The following POLR3G variants were observed in gnomAD, a reference collection of about 807,000 sequenced individuals.
POLR3G encodes the protein RNA polymerase III subunit G.
A neutral mutation model predicts 30.1 loss-of-function variants in POLR3G; 28 were observed. That is an observed-to-expected ratio of 0.93 (90% CI 0.69 to 1.27). POLR3G has a LOEUF of 1.27. Ranked by LOEUF, POLR3G falls within the 50% of genes most tolerant of loss-of-function variation. The pLI is 0.00. For missense variants in POLR3G, 254 were observed against 264.6 expected, an observed-to-expected ratio of 0.96 and a Z score of 0.28; for synonymous variants, 79 against 82.5, an observed-to-expected ratio of 0.96 and a Z score of 0.23.
intron 3 of POLR3G, among the ~76,000 whole-genome samples, chr5:90,494,981 A>G (rs1414530230): frequency 6.6e-6 from 1 of 152,176 alleles, no homozygotes; most frequent in Non-Finnish European, 1.5e-5. Flanking sequence ...GGAATCTCTC[A>G]TTTGTGCTGA....
At chr5:90,484,743 A>G (rs991902706) in intron 1 of POLR3G, among the ~76,000 whole-genome samples, 1 of 152,172 alleles carries the variant, frequency 6.6e-6, no homozygotes, top group Non-Finnish European at 1.5e-5. Flanking sequence ...CTTGGGTTCA[A>G]GGGGTTAAAT....
At chr5:90,502,498 A>C (rs1266592831) in intron 6 of POLR3G, 2 of 545,808 alleles carry the variant, frequency 3.7e-6, no homozygotes, top group East Asian at 2.9e-4. Flanking sequence ...TCAGAAGGTT[A>C]AAGCACTGAA....
At chr5:90,474,000 A>C, upstream of POLR3G, 2 of 1,597,768 alleles carry the variant, frequency 1.3e-6, no homozygotes, top group Non-Finnish European at 8.5e-7. Flanking sequence ...GTGCACTGCC[A>C]CGCGGTCGAA....
intron 2 of POLR3G, among the ~76,000 whole-genome samples, chr5:90,487,401 T>C (rs1055333296): frequency 3.7e-5 from 5 of 134,400 alleles, no homozygotes; most frequent in African/African-American, 1.4e-4. Flanking sequence ...TTTTTTTTTT[T>C]TTTTTTGTGA....
rs546534767 is a variant in POLR3G, at chr5:90,493,871, C to G, written c.248-1806C>G. 6.6e-5 allele frequency among the ~76,000 whole-genome samples: 10 copies of G among 151,508 alleles called. No individual in the cohort carries two copies. In the South Asian group the frequency reaches 2.1e-3, roughly 32 times the overall value. On this transcript the variant is annotated intron_variant, in intron 3 of 7. Coordinates refer to ENST00000651687, the MANE Select transcript of POLR3G (RefSeq NM_006467.3). ...TACAGGCACGTGCCACCACACATGG[C>G]TAATTTTTTTGTGTTTTTAGTATAG...
intron 6 of POLR3G, among the ~76,000 whole-genome samples, chr5:90,504,184 T>C (rs1436892686): frequency 1.3e-5 from 2 of 152,186 alleles, no homozygotes; most frequent in Non-Finnish European, 2.9e-5. Context: ...TGAGGATTTT[T>C]TTTTTTAAAG....
chr5:90,486,548 G>A (rs1390371860), intron 2 of POLR3G, among the ~76,000 whole-genome samples: 2 of 152,190 alleles, frequency 1.3e-5, no homozygotes, highest in African/African-American at 2.4e-5. Context: ...CAGCTACGCA[G>A]GTCTCCTTGG....
intron 5 of POLR3G, among the ~76,000 whole-genome samples, chr5:90,499,171 C>G (rs967458702): frequency 6.6e-6 from 1 of 151,924 alleles, no homozygotes; most frequent in Admixed American, 6.6e-5. Flanking sequence ...ATCATTGAGA[C>G]CAAGAGAAAG....
chr5:90,493,112 G>T (rs1007675719), intron 3 of POLR3G, among the ~76,000 whole-genome samples: 1 of 152,212 alleles, frequency 6.6e-6, no homozygotes, highest in African/African-American at 2.4e-5. Context: ...TTTGTATGTG[G>T]CAGCCGATGC....
At chr5:90,511,944 A>T in intron 7 of POLR3G, 109 bp from the exon 8 acceptor site, 1 of 726,976 alleles carries the variant, frequency 1.4e-6, no homozygotes, top group Non-Finnish European at 2.4e-6. Flanking sequence ...CACAAGTGAA[A>T]ACTGTTGTGT....
chr5:90,489,373 C>G (rs1347411746), intron 3 of POLR3G, among the ~76,000 whole-genome samples: 1 of 149,752 alleles, frequency 6.7e-6, no homozygotes, highest in Non-Finnish European at 1.5e-5. Context: ...TCAAGTGATT[C>G]TCACATCTCA....
chr5:90,499,350 T>C (rs888743976), intron 5 of POLR3G, among the ~76,000 whole-genome samples: 1 of 152,094 alleles, frequency 6.6e-6, no homozygotes, highest in African/African-American at 2.4e-5. Context: ...TTACACAAGG[T>C]AGTCTGGTAT....
At chr5:90,502,568 T>C (rs1039377947) in intron 6 of POLR3G, among the ~76,000 whole-genome samples, 6 of 152,124 alleles carry the variant, frequency 3.9e-5, no homozygotes, top group Non-Finnish European at 7.4e-5. Flanking sequence ...TTTAAAACAC[T>C]GAAAATTTTC....
chr5:90,487,635 C>G (rs1442974339), intron 2 of POLR3G, among the ~76,000 whole-genome samples: 1 of 152,028 alleles, frequency 6.6e-6, no homozygotes, highest in Non-Finnish European at 1.5e-5. Flanking sequence ...TCGTGATCCA[C>G]CTGCCTCGGC....
intron 7 of POLR3G, among the ~76,000 whole-genome samples, chr5:90,507,469 C>A (rs1383658484): frequency 1.3e-5 from 2 of 152,160 alleles, no homozygotes; most frequent in East Asian, 3.8e-4. Flanking sequence ...AGTGTGGATA[C>A]ATTTTTTATC....
At position 90,513,435 on chromosome 5, in the gene POLR3G, T is replaced by G. The variant is rs1168719545; in HGVS notation, c.*1296T>G. 1 of 152,636 alleles carries G rather than the reference T, an allele frequency of 6.6e-6. No homozygotes were observed. The highest frequency in any genetic ancestry group is 2.4e-5 in the African/African-American group (1 of 41,466). 9.5% of individuals were successfully genotyped at this position (152,636 alleles called of 1,614,324 possible). A position where few individuals can be genotyped will look rare whatever the true frequency, so the allele number is the denominator to read the frequency against. On this transcript the variant is annotated 3_prime_UTR_variant, in exon 8 of 8. Transcript: ENST00000651687. Reference sequence around the variant, plus strand: ...ACCAACCAAAATTTACCATATGTATTCATTCTCTTGCCTTAAAGATCACTT... The same window carrying G: ...ACCAACCAAAATTTACCATATGTATGCATTCTCTTGCCTTAAAGATCACTT...
upstream of POLR3G, chr5:90,474,355 A>T: frequency 6.9e-7 from 1 of 1,459,400 alleles, no homozygotes; most frequent in Non-Finnish European, 9.5e-7. Flanking sequence ...CAGGCTGTCC[A>T]CACACAGGGC....
intron 4 of POLR3G, 60 bp from the exon 5 acceptor site, chr5:90,497,596 G>A: frequency 6.5e-7 from 1 of 1,549,070 alleles, no homozygotes; most frequent in Non-Finnish European, 8.7e-7. Context: ...AAATAGTTAT[G>A]TTCAATGCCA....
At chr5:90,511,941 GA>G in intron 7 of POLR3G, 111 bp from the exon 8 acceptor site, 1 of 718,004 alleles carries the variant, frequency 1.4e-6, no homozygotes, top group Admixed American at 2.5e-5. Flanking sequence ...AAACACAAGT[GA>G]AAACTGTTGT....
Sources: allele counts gnomAD v4.1 joint callset (sites outside exome capture counted in the v4.1 genomes callset), GRCh38; gene constraint gnomAD v4.1.1; transcripts MANE v1.5; gene names NCBI Gene and HGNC (gene_info 2026-07-23, HGNC 2026-07-21).